The following DNAJC1 variants were observed in gnomAD, a reference collection of about 807,000 sequenced individuals.
The protein encoded by DNAJC1 is dnaJ homolog subfamily C member 1.
In DNAJC1, 58 loss-of-function variants were observed where a neutral mutation model predicts 76.6. That is an observed-to-expected ratio of 0.76 (90% CI 0.61 to 0.94). The LOEUF (loss-of-function observed/expected upper bound fraction) is 0.94, where lower values mean the gene tolerates loss of function less well. DNAJC1 is among the 40% of genes least tolerant of loss of function. DNAJC1 has a pLI of 0.00. For missense variants in DNAJC1, 689 were observed against 677.3 expected, an observed-to-expected ratio of 1.02 and a Z score of -0.19; for synonymous variants, 258 against 267.9, an observed-to-expected ratio of 0.96 and a Z score of 0.36.
At chr10:21,925,181 T>C (rs763524659) in intron 3 of DNAJC1, among the ~76,000 whole-genome samples, 1 of 152,006 alleles carries the variant, frequency 6.6e-6, no homozygotes, top group Non-Finnish European at 1.5e-5. Context: ...CCTGGTAATT[T>C]TTTTATTTTT....
intron 8 of DNAJC1, among the ~76,000 whole-genome samples, chr10:21,820,778 G>T (rs895181686): frequency 2.0e-5 from 3 of 152,204 alleles, no homozygotes; most frequent in Non-Finnish European, 4.4e-5. Context: ...TGATGGAGTG[G>T]CTCACACAAC....
chr10:21,762,093 C>T (rs1834247830), intron 10 of DNAJC1, among the ~76,000 whole-genome samples: 1 of 152,120 alleles, frequency 6.6e-6, no homozygotes, highest in Admixed American at 6.6e-5. Context: ...CACGCGCCAC[C>T]ATGCCCAGCT....
In DNAJC1 at chr10:21,959,010, T is replaced by C. The variant is rs1359998028; in HGVS notation, c.223-29869A>G. Among the ~76,000 whole-genome samples the C allele has an allele frequency of 2.6e-5, 4 of 152,180 alleles. No individual in the cohort carries two copies. In the East Asian group the frequency reaches 7.7e-4, roughly 29 times the overall value. ...ACAATCTTTACTCTCAACAGCCCGG[T>C]TTCTCAGTACAGAATGCATGGAAGG... On this transcript the variant is annotated intron_variant, in intron 1 of 11. Transcript: ENST00000376980.
intron 8 of DNAJC1, among the ~76,000 whole-genome samples, chr10:21,834,204 C>T (rs1835412496): frequency 6.6e-6 from 1 of 151,950 alleles, no homozygotes; most frequent in Non-Finnish European, 1.5e-5. Flanking sequence ...GTGGAGCTTG[C>T]AGTGAGCTGA....
chr10:21,943,928 A>G lies in DNAJC1; in HGVS notation c.223-14787T>C, dbSNP rs572613141. Among the ~76,000 whole-genome samples, 11 of 152,154 alleles carry G rather than the reference A, an allele frequency of 7.2e-5. No individual in the cohort carries two copies. The South Asian group carries it at 2.3e-3, about 32-fold the overall frequency. ...ATCAGCAAAAAAAAAAAAAATGGAT[A>G]GGCACCCATATCTGTAAAGGGAAAA... is the stretch of plus-strand genomic sequence containing the variant. On this transcript the variant is annotated intron_variant, in intron 1 of 11. Transcript: ENST00000376980.
Position 21,848,212 on chromosome 10 carries a change from T to C in DNAJC1, c.978+34070A>G, listed in dbSNP as rs576697568. On this transcript the variant is annotated intron_variant, in intron 8 of 11. Transcript: ENST00000376980. ...TTTGCATTTCCCTGATGATTAGTGA[T>C]ACTAAGCATTTATTTTCATATACTT... Among the ~76,000 whole-genome samples, 6 of 152,336 alleles carry C rather than the reference T, an allele frequency of 3.9e-5. No individual in the cohort carries two copies. In the East Asian group the frequency reaches 1.2e-3, roughly 29 times the overall value.
At chr10:21,925,946 A>C (rs529806947) in intron 3 of DNAJC1, among the ~76,000 whole-genome samples, 1 of 152,226 alleles carries the variant, frequency 6.6e-6, no homozygotes, top group African/African-American at 2.4e-5. Context: ...TTATACCCAA[A>C]TAAGGATGTT....
chr10:21,881,085 C>T (rs1397146305), intron 8 of DNAJC1, among the ~76,000 whole-genome samples: 2 of 152,158 alleles, frequency 1.3e-5, no homozygotes, highest in African/African-American at 2.4e-5. Context: ...GCCTAATGAA[C>T]CAACCTCTGC....
At chr10:21,937,867 A>G (rs1228619620) in intron 1 of DNAJC1, among the ~76,000 whole-genome samples, 1 of 152,150 alleles carries the variant, frequency 6.6e-6, no homozygotes, top group African/African-American at 2.4e-5. Context: ...TTAAACAACA[A>G]GTAATCAAAA....
chr10:21,860,202 A>G (rs930530132), intron 8 of DNAJC1, among the ~76,000 whole-genome samples: 5 of 152,084 alleles, frequency 3.3e-5, no homozygotes, highest in African/African-American at 4.8e-5. Context: ...AACTTTGAAA[A>G]TGACAGCAGA....
chr10:21,801,800 T>C (rs1189594116), intron 9 of DNAJC1, among the ~76,000 whole-genome samples: 9 of 152,052 alleles, frequency 5.9e-5, no homozygotes, highest in Non-Finnish European at 1.3e-4. Context: ...CGGAATACTA[T>C]GCAGCCACAA....
intron 7 of DNAJC1, among the ~76,000 whole-genome samples, chr10:21,902,487 T>C (rs1247104732): frequency 6.6e-6 from 1 of 152,112 alleles, no homozygotes; most frequent in Non-Finnish European, 1.5e-5. Flanking sequence ...GTATTTTTAA[T>C]AGAGATGGGG....
At chr10:21,821,652 T>C (rs572574571) in intron 8 of DNAJC1, among the ~76,000 whole-genome samples, 190 of 152,262 alleles carry the variant, frequency 1.2e-3, no homozygotes, top group Non-Finnish European at 2.3e-3. Flanking sequence ...TAATTATATA[T>C]TTCTCCTAGG....
Position 21,895,739 on chromosome 10 carries a change from G to A in DNAJC1, c.820+8783C>T, listed in dbSNP as rs185567077. ...TCATCAAGACAATGGAAGAATGACC[G>A]CAAAGGCATTTTGGAGATTATCTGT... On this transcript the variant is annotated intron_variant, in intron 7 of 11. Transcript: ENST00000376980. Among the ~76,000 whole-genome samples, 121 of 152,256 alleles carry A rather than the reference G, an allele frequency of 7.9e-4. 1 individual carries two copies. Among genetic ancestry groups the A allele is most frequent in the Non-Finnish European group, 1.5e-3 (105 of 68,020 alleles).
chr10:21,923,155 C>T (rs1227150292), intron 3 of DNAJC1, among the ~76,000 whole-genome samples: 2 of 151,870 alleles, frequency 1.3e-5, no homozygotes, highest in Non-Finnish European at 3.0e-5. Context: ...TATTTACTAG[C>T]CTATGTCTGT....
At chr10:21,759,724 G>T in intron 10 of DNAJC1, 106 bp from the exon 11 acceptor site, 1 of 981,482 alleles carries the variant, frequency 1.0e-6, no homozygotes, top group Non-Finnish European at 1.5e-6. Flanking sequence ...TAGGCATTTT[G>T]CATGCATGGT....
Position 21,890,411 on chromosome 10 carries a change from TC to T in DNAJC1, c.821-7973del, listed in dbSNP as rs1178642081. ...CTGGACGAAACAGTGAGACTCCATA[TC>T]CCCCCCTACAAAAAAAAAAAAAAAA... On this transcript the variant is annotated intron_variant, in intron 7 of 11. Coordinates refer to ENST00000376980, the MANE Select transcript of DNAJC1 (RefSeq NM_022365.4). 2.1e-4 allele frequency among the ~76,000 whole-genome samples: 17 copies of T among 81,178 alleles called. No homozygotes were observed. The Admixed American group carries it at 2.1e-3, about 10-fold the overall frequency. 53.3% of individuals were successfully genotyped at this position (81,178 alleles called of 152,430 possible).
intron 8 of DNAJC1, among the ~76,000 whole-genome samples, chr10:21,832,747 C>G (rs1835381359): frequency 6.6e-6 from 1 of 152,182 alleles, no homozygotes; most frequent in African/African-American, 2.4e-5. Flanking sequence ...TCCCTTTGAT[C>G]TTATATACTT....
intron 1 of DNAJC1, among the ~76,000 whole-genome samples, chr10:21,966,327 T>A (rs1837887702): frequency 2.0e-5 from 3 of 152,168 alleles, no homozygotes; most frequent in Non-Finnish European, 4.4e-5. Context: ...ACTTATTCTG[T>A]GGGAATACTT....
Sources: allele counts gnomAD v4.1 joint callset (sites outside exome capture counted in the v4.1 genomes callset), GRCh38; gene constraint gnomAD v4.1.1; transcripts MANE v1.5; gene names NCBI Gene and HGNC (gene_info 2026-07-23, HGNC 2026-07-21).